The following NTM variants were observed in gnomAD, a reference collection of about 807,000 sequenced individuals.
NTM encodes the protein IgLON family member 2.
In NTM, 13 loss-of-function variants were observed where a neutral mutation model predicts 42.1. That is an observed-to-expected ratio of 0.31 (90% confidence interval 0.20 to 0.49). The LOEUF is 0.49. Among genes scored for constraint, NTM ranks in the 20% least tolerant of loss-of-function variants. The probability of loss-of-function intolerance (pLI) is 0.99; values close to 1 mark genes in which losing one functional copy is unlikely to be tolerated. For synonymous variants in NTM, 187 were observed against 179.2 expected (o/e 1.04, Z -0.35); for missense variants, 373 against 452.8 (o/e 0.82, Z 1.60).
At chr11:132,007,860 G>T (rs1267035045) in intron 2 of NTM, among the ~76,000 whole-genome samples, 2 of 152,190 alleles carry the variant, frequency 1.3e-5, no homozygotes, top group Admixed American at 6.5e-5. Flanking sequence ...AACTGAGGAT[G>T]AATTTTTTGC....
chr11:131,970,952 G>T (rs546880611), intron 2 of NTM, among the ~76,000 whole-genome samples: 28 of 152,244 alleles, frequency 1.8e-4, no homozygotes, highest in African/African-American at 6.7e-4. Context: ...TGCATTGTAT[G>T]CATATGTCAC....
At chr11:131,475,392 C>G (rs2136201646) in intron 1 of NTM, among the ~76,000 whole-genome samples, 1 of 152,108 alleles carries the variant, frequency 6.6e-6, no homozygotes. Flanking sequence ...TCCCCTAAAC[C>G]TTTGTGAGCT....
intron 1 of NTM, among the ~76,000 whole-genome samples, chr11:131,672,720 G>C (rs2070555631): frequency 6.6e-6 from 1 of 152,150 alleles, no homozygotes; most frequent in African/African-American, 2.4e-5. Flanking sequence ...GTACATAGTA[G>C]GGCCTCTGTG....
At chr11:131,566,407 A>ATG (rs372058772) in intron 1 of NTM, among the ~76,000 whole-genome samples, 23 of 147,176 alleles carry the variant, frequency 1.6e-4, no homozygotes, top group African/African-American at 5.1e-4. Context: ...CCACTGGTGC[A>ATG]TGTGTGTGTG....
intron 1 of NTM, among the ~76,000 whole-genome samples, chr11:131,508,838 G>T (rs1438623150): frequency 2.0e-5 from 3 of 147,180 alleles, no homozygotes; most frequent in Non-Finnish European, 4.5e-5. Context: ...TGAACAATGA[G>T]ATCCCATGGA....
intron 1 of NTM, among the ~76,000 whole-genome samples, chr11:131,765,736 T>TGCAGCAAA (rs1369066060): frequency 2.0e-5 from 3 of 152,166 alleles, no homozygotes; most frequent in South Asian, 4.1e-4. Flanking sequence ...GCTCAGCACC[T>TGCAGCAAA]GCAGCAAAGC....
At chr11:131,544,568 C>G (rs2053679235) in intron 1 of NTM, among the ~76,000 whole-genome samples, 1 of 152,076 alleles carries the variant, frequency 6.6e-6, no homozygotes, top group East Asian at 1.9e-4. Context: ...TTCTGTGACC[C>G]TGAAGGCAAA....
intron 1 of NTM, among the ~76,000 whole-genome samples, chr11:131,671,952 C>T (rs1044451972): frequency 3.3e-5 from 5 of 152,218 alleles, no homozygotes; most frequent in African/African-American, 1.2e-4. Flanking sequence ...CACCTGAGAG[C>T]ACTGGGCTGG....
chr11:131,549,908 C>T (rs537179742), intron 1 of NTM, among the ~76,000 whole-genome samples: 97 of 152,326 alleles, frequency 6.4e-4, no homozygotes, highest in African/African-American at 2.2e-3. Context: ...GTCTCTTTCC[C>T]GTGCCCACGT....
intron 2 of NTM, among the ~76,000 whole-genome samples, chr11:132,056,455 C>G (rs77557416): frequency 6.6e-6 from 1 of 152,288 alleles, no homozygotes; most frequent in African/African-American, 2.4e-5. Context: ...TGCCATATCA[C>G]CTGATATTTC....
intron 3 of NTM, among the ~76,000 whole-genome samples, chr11:132,148,947 C>T (rs2071224655): frequency 1.3e-5 from 2 of 152,096 alleles, no homozygotes; most frequent in African/African-American, 4.8e-5. Context: ...CACACCACCT[C>T]AAGTATTGGA....
intron 1 of NTM, among the ~76,000 whole-genome samples, chr11:131,400,897 G>T (rs1453362101): frequency 6.6e-6 from 1 of 151,628 alleles, no homozygotes; most frequent in Non-Finnish European, 1.5e-5. Context: ...CTTTCTTTGG[G>T]TCTAACATTG....
intron 1 of NTM, among the ~76,000 whole-genome samples, chr11:131,826,618 A>T (rs1048822907): frequency 6.6e-6 from 1 of 152,078 alleles, no homozygotes; most frequent in Non-Finnish European, 1.5e-5. Context: ...AAGGTGAAAA[A>T]AGAATGGAGG....
intron 2 of NTM, among the ~76,000 whole-genome samples, chr11:131,927,804 A>G (rs922172338): frequency 3.3e-5 from 5 of 152,222 alleles, no homozygotes; most frequent in Non-Finnish European, 5.9e-5. Context: ...GGGGTCACAC[A>G]TAGTCAGCTC....
At chr11:131,539,904 CTGTT>C (rs1030648565) in intron 1 of NTM, among the ~76,000 whole-genome samples, 2 of 152,170 alleles carry the variant, frequency 1.3e-5, no homozygotes, top group Non-Finnish European at 2.9e-5. Flanking sequence ...AAACTCATCT[CTGTT>C]TGTGCCCAAG....
In NTM at chr11:131,794,475, G is replaced by T. The variant is rs539116664; in HGVS notation, c.83-117089G>T. The T allele has an allele frequency of 1.1e-4, 106 of 985,126 alleles. 1 individual carries two copies. The South Asian group carries it at 4.4e-3, about 41-fold the overall frequency. 61.0% of individuals were successfully genotyped at this position (985,126 alleles called of 1,614,324 possible). A position where few individuals can be genotyped will look rare whatever the true frequency, so the allele number is the denominator to read the frequency against. ...AGGCGTTTGCCTTTCCTCCCCACCC[G>T]CCGTTTACTACTTTGTTCCTTGGGA... On this transcript the variant is annotated intron_variant, in intron 1 of 8. Transcript: ENST00000683400.
chr11:131,675,474 G>C (rs2071215131), intron 1 of NTM, among the ~76,000 whole-genome samples: 2 of 152,272 alleles, frequency 1.3e-5, no homozygotes, highest in South Asian at 4.1e-4. Context: ...ATTGCTTGTT[G>C]AGTGCCTACT....
rs76395684 is a variant in NTM, at chr11:132,211,416, C to T, written c.401-606C>T. On this transcript the variant is annotated intron_variant, in intron 3 of 8. Coordinates refer to ENST00000683400, the MANE Select transcript of NTM (RefSeq NM_001352005.2). The stretch of plus-strand genomic sequence containing the variant: ...CCCTGTCTCAAAATAAAAATGAAAA[C>T]GAGAATGGCTGGGAGTTGCCCAGGA... Among the ~76,000 whole-genome samples, 1,435 of 152,122 alleles carry T rather than the reference C, an allele frequency of 9.4e-3. 16 individuals are homozygous for T. The highest frequency in any genetic ancestry group is 0.032 in the African/African-American group (1,321 of 41,480).
At chr11:131,891,272 A>G (rs2051288178) in intron 1 of NTM, among the ~76,000 whole-genome samples, 1 of 152,166 alleles carries the variant, frequency 6.6e-6, no homozygotes, top group Non-Finnish European at 1.5e-5. Flanking sequence ...TCTCACTGGG[A>G]CGACCAAAAG....
Sources: allele counts gnomAD v4.1 joint callset (sites outside exome capture counted in the v4.1 genomes callset), GRCh38; gene constraint gnomAD v4.1.1; transcripts MANE v1.5; gene names NCBI Gene and HGNC (gene_info 2026-07-23, HGNC 2026-07-21).